Variants in AVEN observed in about 807,000 individuals in gnomAD.
AVEN encodes cell death regulator Aven.
A neutral mutation model predicts 38.1 loss-of-function variants in AVEN; 41 were observed. That is an observed-to-expected ratio of 1.08 (90% confidence interval 0.84 to 1.40). The LOEUF is 1.40. AVEN is among the 40% of genes most tolerant of loss of function. The probability of loss-of-function intolerance (pLI) is 0.00; values close to 1 mark genes in which losing one functional copy is unlikely to be tolerated. For synonymous variants in AVEN, 206 were observed against 171.8 expected (o/e 1.20, Z -1.56); for missense variants, 605 against 438.8 (o/e 1.38, Z -3.38).
chr15:33,928,013 A>G (rs1296996295), intron 2 of AVEN, among the ~76,000 whole-genome samples: 1 of 152,242 alleles, frequency 6.6e-6, no homozygotes. Flanking sequence ...GTGATGAAGT[A>G]GGTGGGTAGT....
At chr15:33,915,422 AT>A (rs1893096574) in intron 2 of AVEN, among the ~76,000 whole-genome samples, 1 of 152,200 alleles carries the variant, frequency 6.6e-6, no homozygotes, top group Non-Finnish European at 1.5e-5. Context: ...GAAGGTCCAG[AT>A]CACAAGAGAA....
upstream of AVEN, among the ~76,000 whole-genome samples, chr15:34,040,556 C>T (rs1899428717): frequency 6.6e-6 from 1 of 152,182 alleles, no homozygotes. Context: ...GGACTAATAG[C>T]TGGCCTACGA....
chr15:33,860,546 C>A, intron 11 of AVEN: 4 of 1,148,324 alleles, frequency 3.5e-6, no homozygotes, highest in Admixed American at 2.4e-5. Flanking sequence ...CATTCCTCTA[C>A]CCCTGAACCA....
chr15:33,883,412 TA>T (rs976206915), intron 2 of AVEN, among the ~76,000 whole-genome samples: 24 of 152,188 alleles, frequency 1.6e-4, no homozygotes, highest in African/African-American at 5.1e-4. Context: ...TAACTTCAGC[TA>T]AATATTGATC....
At chr15:34,002,078 AATG>A (rs139412830) in intron 2 of AVEN, among the ~76,000 whole-genome samples, 49 of 152,312 alleles carry the variant, frequency 3.2e-4, no homozygotes, top group African/African-American at 1.2e-3. Flanking sequence ...AGTTTACCCC[AATG>A]ATAACATTTT....
At chr15:33,977,912 G>C (rs1222396655) in intron 2 of AVEN, among the ~76,000 whole-genome samples, 4 of 151,672 alleles carry the variant, frequency 2.6e-5, no homozygotes, top group African/African-American at 9.7e-5. Context: ...ACTCCAGCCT[G>C]GGTGACAGAA....
chr15:33,898,013 C>T (rs1892314848), intron 2 of AVEN, among the ~76,000 whole-genome samples: 1 of 152,164 alleles, frequency 6.6e-6, no homozygotes, highest in South Asian at 2.1e-4. Context: ...CACGGTGAAA[C>T]CCCATTTCTA....
intron 2 of AVEN, chr15:33,991,702 G>A (rs1468641234): frequency 6.6e-6 from 1 of 152,054 alleles, no homozygotes; most frequent in African/African-American, 2.4e-5. Flanking sequence ...TAAGAAAAAA[G>A]CTAAAGAAAC....
chr15:33,864,972 C>T (rs1249090502), downstream of AVEN: 7 of 566,618 alleles, frequency 1.2e-5, no homozygotes, highest in East Asian at 2.0e-4. Context: ...GCTTCCCAAA[C>T]AGCCTGTGCT....
chr15:34,007,256 T>A (rs1897396443), intron 1 of AVEN, among the ~76,000 whole-genome samples: 1 of 152,186 alleles, frequency 6.6e-6, no homozygotes, highest in Non-Finnish European at 1.5e-5. Flanking sequence ...CAAGGGTCAT[T>A]TTTGACCTCA....
chr15:33,997,337 A>G (rs1403153354), intron 2 of AVEN, among the ~76,000 whole-genome samples: 1 of 152,200 alleles, frequency 6.6e-6, no homozygotes, highest in African/African-American at 2.4e-5. Context: ...TAAGAAACAA[A>G]ATAGCCAAAT....
At chr15:33,877,164 G>T (rs115022212) in intron 2 of AVEN, among the ~76,000 whole-genome samples, 2,851 of 152,066 alleles carry the variant, frequency 0.019, 99 homozygotes, top group African/African-American at 0.065. Flanking sequence ...GAGAAACTGA[G>T]GAAAAGAACC....
chr15:33,876,318 T>C (rs1279490950), intron 2 of AVEN, among the ~76,000 whole-genome samples: 6 of 152,206 alleles, frequency 3.9e-5, no homozygotes, highest in Non-Finnish European at 5.9e-5. Flanking sequence ...ACACCTGTAA[T>C]CCCAGCACTT....
intron 1 of AVEN, among the ~76,000 whole-genome samples, chr15:34,021,926 G>A (rs1047509919): frequency 6.6e-6 from 1 of 152,162 alleles, no homozygotes. Flanking sequence ...AAAGAAGTGA[G>A]CACCCACAGC....
intron 1 of AVEN, among the ~76,000 whole-genome samples, chr15:34,026,007 G>A (rs1898452023): frequency 6.6e-6 from 1 of 152,036 alleles, no homozygotes; most frequent in Admixed American, 6.5e-5. Context: ...TTTTCAAATT[G>A]GAATATATCT....
intron 2 of AVEN, among the ~76,000 whole-genome samples, chr15:33,878,828 T>A (rs371238109): frequency 6.6e-6 from 1 of 152,278 alleles, no homozygotes; most frequent in East Asian, 1.9e-4. Flanking sequence ...TGATTGCTAA[T>A]ATATATGAAG....
At chr15:33,966,375 T>C (rs922232061) in intron 2 of AVEN, among the ~76,000 whole-genome samples, 1 of 152,180 alleles carries the variant, frequency 6.6e-6, no homozygotes, top group African/African-American at 2.4e-5. Flanking sequence ...CATATAGTCC[T>C]TATTCAGCAA....
chr15:34,065,375 TC>T (rs2140850822), intron 4 of AVEN: 1 of 152,356 alleles, frequency 6.6e-6, no homozygotes, highest in African/African-American at 2.4e-5. Flanking sequence ...TTTTGCAGCC[TC>T]CAATTTCCCT....
rs1899300321 is a variant in AVEN, at chr15:34,038,794, C to G, written c.253G>C (p.Gly85Arg). The G allele has an allele frequency of 8.4e-7, 1 of 1,190,630 alleles. No homozygotes were observed. Among genetic ancestry groups the G allele is most frequent in the Non-Finnish European group, 1.0e-6 (1 of 961,002 alleles). The allele number at this position is 1,190,630 out of a possible 1,614,324, so 73.8% of individuals were successfully genotyped here. The change falls in exon 1 of 6, where the codon GGG becomes CGG. Residue 85 changes from glycine to arginine, a missense_variant. Gly to Arg is a moderately radical substitution (Grantham distance 125). Coordinates refer to ENST00000306730, the MANE Select transcript of AVEN (RefSeq NM_020371.3). ...SRREPGGWGA[G>R]ASAPVEDDSD... ...TCGCCTCTTACCGGCGCGCTGGCCC[C>G]TGCGCCCCAGCCTCCCGGCTCCCGG...
Sources: allele counts gnomAD v4.1 joint callset (sites outside exome capture counted in the v4.1 genomes callset), GRCh38; gene constraint gnomAD v4.1.1; transcripts MANE v1.5; gene names NCBI Gene and HGNC (gene_info 2026-07-23, HGNC 2026-07-21).